ERC2: variants seen among roughly 807,000 people sequenced by gnomAD.
ERC2 encodes the protein ELKS/RAB6-interacting/CAST family member 2, also known as ERC protein 2.
ERC2 carries 42 observed loss-of-function variants against 114.8 expected under a neutral mutation model. The observed-to-expected ratio is 0.37, with a 90% CI of 0.29 to 0.47. The LOEUF is 0.47. Among genes scored for constraint, ERC2 ranks in the 20% least tolerant of loss-of-function variants. The pLI, the probability that ERC2 is intolerant of heterozygous loss-of-function variation, is 0.99. For synonymous variants in ERC2, 454 were observed against 425.5 expected (o/e 1.07, Z -0.82); for missense variants, 939 against 1,150.7 (o/e 0.82, Z 2.66).
chr3:55,918,581 G>T (rs1295320757), intron 13 of ERC2, among the ~76,000 whole-genome samples: 1 of 151,890 alleles, frequency 6.6e-6, no homozygotes, highest in Non-Finnish European at 1.5e-5. Flanking sequence ...AATAGAATGT[G>T]GTGGAAATGA....
chr3:56,170,598 T>TGTTG (rs2082595799), intron 4 of ERC2, among the ~76,000 whole-genome samples: 4 of 135,196 alleles, frequency 3.0e-5, no homozygotes, highest in Middle Eastern at 8.1e-3. Flanking sequence ...TTTTTTTTTT[T>TGTTG]TTTTTTTTTT....
At chr3:55,655,648 T>A (rs2148692143) in intron 17 of ERC2, among the ~76,000 whole-genome samples, 1 of 152,308 alleles carries the variant, frequency 6.6e-6, no homozygotes. Flanking sequence ...CTATGGATAG[T>A]TGCTGGGTCA....
At chr3:55,603,252 C>T (rs1290159078) in intron 17 of ERC2, among the ~76,000 whole-genome samples, 1 of 152,158 alleles carries the variant, frequency 6.6e-6, no homozygotes, top group African/African-American at 2.4e-5. Flanking sequence ...TATTGTGAAA[C>T]TTAGAGCTAG....
intron 14 of ERC2, among the ~76,000 whole-genome samples, chr3:55,833,752 C>T (rs1446063908): frequency 3.3e-5 from 5 of 152,144 alleles, no homozygotes; most frequent in Non-Finnish European, 4.4e-5. Flanking sequence ...CAAATTCACA[C>T]ATAACAATAT....
intron 1 of ERC2, among the ~76,000 whole-genome samples, chr3:56,458,162 C>T (rs2063148699): frequency 6.6e-6 from 1 of 152,214 alleles, no homozygotes; most frequent in African/African-American, 2.4e-5. Flanking sequence ...CCAGCCACTC[C>T]TGTTTTCCAG....
chr3:56,103,504 G>A (rs938907115), intron 6 of ERC2, among the ~76,000 whole-genome samples: 1 of 152,090 alleles, frequency 6.6e-6, no homozygotes, highest in South Asian at 2.1e-4. Flanking sequence ...CCTTTGTTGT[G>A]TAAGACCCAA....
intron 5 of ERC2, among the ~76,000 whole-genome samples, chr3:56,143,845 C>T (rs574674139): frequency 6.6e-6 from 1 of 152,256 alleles, no homozygotes; most frequent in African/African-American, 2.4e-5. Flanking sequence ...TTGTTGCTTT[C>T]AGCAAGAAAA....
chr3:55,762,083 T>A (rs2148998352), intron 14 of ERC2, among the ~76,000 whole-genome samples: 1 of 151,812 alleles, frequency 6.6e-6, no homozygotes, highest in African/African-American at 2.4e-5. Flanking sequence ...GAACTGTGAG[T>A]CAATTAAACC....
At chr3:56,110,127 A>C (rs1440283200) in intron 6 of ERC2, among the ~76,000 whole-genome samples, 1 of 152,202 alleles carries the variant, frequency 6.6e-6, no homozygotes, top group African/African-American at 2.4e-5. Context: ...AATATAATTA[A>C]AGTTGTAAAA....
intron 17 of ERC2, among the ~76,000 whole-genome samples, chr3:55,678,289 G>C (rs1364069844): frequency 6.6e-6 from 1 of 152,142 alleles, no homozygotes; most frequent in Non-Finnish European, 1.5e-5. Flanking sequence ...TTCTTCTGCA[G>C]AAAAATAATA....
At chr3:56,348,572 A>C (rs2058399223) in intron 2 of ERC2, among the ~76,000 whole-genome samples, 1 of 150,262 alleles carries the variant, frequency 6.7e-6, no homozygotes, top group African/African-American at 2.4e-5. Flanking sequence ...AATATATACA[A>C]CTTTATGTCA....
At chr3:55,944,198 T>C (rs778521087) in intron 13 of ERC2, among the ~76,000 whole-genome samples, 9 of 152,222 alleles carry the variant, frequency 5.9e-5, no homozygotes, top group Non-Finnish European at 1.3e-4. Flanking sequence ...TTGAGAAATA[T>C]GTTGCGTTTC....
intron 2 of ERC2, among the ~76,000 whole-genome samples, chr3:56,326,410 T>C (rs2057364130): frequency 6.6e-6 from 1 of 152,184 alleles, no homozygotes; most frequent in Admixed American, 6.5e-5. Context: ...TCAAGATAGT[T>C]TGAACAGTCT....
chr3:55,871,574 C>G (rs2062585159), intron 14 of ERC2, among the ~76,000 whole-genome samples: 1 of 152,172 alleles, frequency 6.6e-6, no homozygotes, highest in South Asian at 2.1e-4. Context: ...CCGGAAGAGG[C>G]ACCATTCGGC....
chr3:56,409,848 G>A (rs1319526386), intron 2 of ERC2, among the ~76,000 whole-genome samples: 2 of 152,134 alleles, frequency 1.3e-5, no homozygotes, highest in African/African-American at 2.4e-5. Flanking sequence ...TGTTGAACAC[G>A]TACTCTGTGC....
chr3:56,435,236 A>T, intron 1 of ERC2, 89 bp from the exon 2 acceptor site: 1 of 449,844 alleles, frequency 2.2e-6, no homozygotes, highest in Non-Finnish European at 4.0e-6. Flanking sequence ...ATAATGATAG[A>T]TGTACCTATG....
chr3:55,625,015 C>T (rs912621615), intron 17 of ERC2, among the ~76,000 whole-genome samples: 3 of 152,194 alleles, frequency 2.0e-5, no homozygotes, highest in Non-Finnish European at 2.9e-5. Context: ...ATTTCCATCT[C>T]TCCATGGAAA....
At chr3:56,263,984 A>C (rs531051176) in intron 3 of ERC2, among the ~76,000 whole-genome samples, 2 of 152,302 alleles carry the variant, frequency 1.3e-5, no homozygotes, top group South Asian at 4.1e-4. Context: ...CCTGGGATGC[A>C]AGGTTGATTT....
intron 7 of ERC2, among the ~76,000 whole-genome samples, chr3:56,040,068 T>A (rs1167003251): frequency 6.6e-6 from 1 of 152,096 alleles, no homozygotes; most frequent in Non-Finnish European, 1.5e-5. Context: ...AAAAAGCTTT[T>A]TGACATTGAT....
Sources: allele counts gnomAD v4.1 joint callset (sites outside exome capture counted in the v4.1 genomes callset), GRCh38; gene constraint gnomAD v4.1.1; transcripts MANE v1.5; gene names NCBI Gene and HGNC (gene_info 2026-07-23, HGNC 2026-07-21).